The following ELP1 variants were observed in gnomAD, a reference collection of about 807,000 sequenced individuals.
ELP1 encodes the protein elongator acetyltransferase complex subunit 1, also known as elongator complex protein 1.
Under a neutral mutation model 183.2 loss-of-function variants are expected in ELP1, and 131 were observed. That is an observed-to-expected ratio of 0.72 (90% CI 0.62 to 0.83). The LOEUF (loss-of-function observed/expected upper bound fraction) is 0.83, where lower values mean the gene tolerates loss of function less well. ELP1 is among the 40% of genes least tolerant of loss of function. ELP1 has a pLI of 0.00. For synonymous variants in ELP1, 555 were observed against 569.0 expected, an observed-to-expected ratio of 0.98 and a Z score of 0.35; for missense variants, 1,550 against 1,594.9, an observed-to-expected ratio of 0.97 and a Z score of 0.48.
In ELP1 at chr9:108,931,012, G is replaced by A. The variant is rs1264033111; in HGVS notation, c.135C>T (p.Asp45=). ...IGSEHGLIEV[D]PVSREVKNEV... is the part of the protein sequence containing the mutation. ...AGTAACTTACTTCTCTTGAGACAGG[G>A]TCTACTTCTATCAGGCCATGTTCTG... Residue 45 remains aspartate (D), a synonymous_variant, in exon 2 of 37, where the codon GAC becomes GAT. Coordinates refer to ENST00000374647, the MANE Select transcript of ELP1 (RefSeq NM_003640.5). 6.2e-7 allele frequency: 1 copy of A among 1,614,070 alleles called. No homozygotes were observed. Among genetic ancestry groups the A allele is most frequent in the East Asian group, 2.2e-5 (1 of 44,870 alleles).
chr9:108,888,642 T>A (rs2131964934), intron 29 of ELP1, among the ~76,000 whole-genome samples: 1 of 152,304 alleles, frequency 6.6e-6, no homozygotes, highest in South Asian at 2.1e-4. Context: ...TATATAAAAT[T>A]TTAGTTATCG....
intron 36 of ELP1, among the ~76,000 whole-genome samples, chr9:108,873,921 CA>C (rs11302178): frequency 0.14 from 21,696 of 151,916 alleles, 1,985 homozygotes; most frequent in East Asian, 0.26. Context: ...AAACTGATAC[CA>C]AAAGAACCTT....
intron 6 of ELP1, 80 bp from the exon 7 acceptor site, chr9:108,919,429 C>T (rs2132031692): frequency 1.1e-6 from 1 of 927,510 alleles, no homozygotes; most frequent in Non-Finnish European, 1.8e-6. Flanking sequence ...CCACTAGATA[C>T]AGATGTTTTT....
At chr9:108,905,018 T>G (rs954035527) in intron 14 of ELP1, among the ~76,000 whole-genome samples, 2 of 152,212 alleles carry the variant, frequency 1.3e-5, no homozygotes, top group Non-Finnish European at 2.9e-5. Flanking sequence ...TCTGAAGAAG[T>G]AGAAACTTAG....
chr9:108,877,513 A>G lies in ELP1; in HGVS notation c.3855+482T>C, dbSNP rs1380968304. 2.0e-5 allele frequency among the ~76,000 whole-genome samples: 3 copies of G among 152,368 alleles called. No individual in the cohort carries two copies. The East Asian group carries it at 5.8e-4, about 29-fold the overall frequency. On this transcript the variant is annotated intron_variant, in intron 35 of 36. Coordinates refer to ENST00000374647, the MANE Select transcript of ELP1 (RefSeq NM_003640.5). Reference sequence around the variant, plus strand: ...TGACAATATACTAGAATTCTGCGATACAAAGCTGATTCAGCCTTAAACACA... The same window carrying G: ...TGACAATATACTAGAATTCTGCGATGCAAAGCTGATTCAGCCTTAAACACA...
At chr9:108,917,837 C>T (rs531915687) in intron 8 of ELP1, among the ~76,000 whole-genome samples, 167 bp from the exon 9 acceptor site, 32 of 152,206 alleles carry the variant, frequency 2.1e-4, no homozygotes, top group African/African-American at 6.5e-4. Flanking sequence ...TGTCTCTCGG[C>T]GAGCGGTTCA....
At chr9:108,880,027 C>T (rs1564072422) in intron 32 of ELP1, 25 bp downstream of exon 32, 14 of 1,450,740 alleles carry the variant, frequency 9.7e-6, no homozygotes, top group Non-Finnish European at 1.2e-5. Flanking sequence ...CCCCGCACGT[C>T]GATGGCCTTC....
At chr9:108,910,838 A>AC (rs1829188125) in intron 12 of ELP1, among the ~76,000 whole-genome samples, 172 bp downstream of exon 12, 1 of 151,736 alleles carries the variant, frequency 6.6e-6, no homozygotes, top group Admixed American at 6.6e-5. Context: ...ATTAAAAAAA[A>AC]AAAAAACAAA....
intron 3 of ELP1, among the ~76,000 whole-genome samples, chr9:108,927,841 A>G (rs1449362896): frequency 6.6e-6 from 1 of 152,194 alleles, no homozygotes; most frequent in East Asian, 1.9e-4. Context: ...AATCAAAACA[A>G]TTGAACTCAC....
In ELP1 at chr9:108,892,808, T is replaced by C. The variant is rs182302984; in HGVS notation, c.2958+178A>G. On this transcript the variant is annotated intron_variant, in intron 27 of 36. Coordinates refer to ENST00000374647, the MANE Select transcript of ELP1 (RefSeq NM_003640.5). ...GAGGAAGGTGCTGTGGTATTCCAGA[T>C]GAGGAATCAGAGAACAGGTCAGGAC... Among the ~76,000 whole-genome samples the C allele has an allele frequency of 1.2e-3, 184 of 152,204 alleles. 1 individual carries two copies. The highest frequency in any genetic ancestry group is 2.2e-3 in the Admixed American group (34 of 15,286).
chr9:108,879,928 GC>G, intron 32 of ELP1, 123 bp downstream of exon 32: 1 of 738,634 alleles, frequency 1.4e-6, no homozygotes, highest in Non-Finnish European at 2.4e-6. Flanking sequence ...CTCCACAGAA[GC>G]CTCACACTTG....
intron 33 of ELP1, 86 bp downstream of exon 33, chr9:108,879,360 G>A (rs989612965): frequency 7.5e-5 from 72 of 955,346 alleles, no homozygotes; most frequent in East Asian, 3.6e-4. Flanking sequence ...CCACTACACC[G>A]TCCCAGTAGA....
intron 2 of ELP1, 124 bp downstream of exon 2, chr9:108,930,873 G>A: frequency 1.1e-6 from 1 of 904,248 alleles, no homozygotes; most frequent in Non-Finnish European, 1.8e-6. Context: ...TGAAGCAAAA[G>A]ATGTTTATTT....
intron 10 of ELP1, among the ~76,000 whole-genome samples, chr9:108,915,779 C>T (rs1457694179): frequency 1.3e-5 from 2 of 151,186 alleles, no homozygotes; most frequent in Non-Finnish European, 2.9e-5. Context: ...TGAATACAGT[C>T]GGCCCTTCAT....
At chr9:108,904,392 G>A (rs182919393) in intron 14 of ELP1, among the ~76,000 whole-genome samples, 12 of 151,614 alleles carry the variant, frequency 7.9e-5, no homozygotes, top group African/African-American at 1.9e-4. Context: ...CCATAGCCAC[G>A]GAAGCAGAAT....
chr9:108,914,926 C>A (rs1829375678), intron 10 of ELP1, among the ~76,000 whole-genome samples: 1 of 152,152 alleles, frequency 6.6e-6, no homozygotes, highest in Non-Finnish European at 1.5e-5. Context: ...CCGCACCTGG[C>A]CCATACCTAC....
intron 5 of ELP1, 73 bp downstream of exon 5, chr9:108,926,450 A>C: frequency 2.8e-6 from 3 of 1,083,278 alleles, no homozygotes; most frequent in Non-Finnish European, 4.2e-6. Flanking sequence ...TGACATGGCT[A>C]TTAGTGCACA....
intron 10 of ELP1, among the ~76,000 whole-genome samples, chr9:108,915,794 T>G (rs1413446598): frequency 6.6e-6 from 1 of 151,982 alleles, no homozygotes; most frequent in East Asian, 1.9e-4. Context: ...CTTCATATTG[T>G]GGATTCTATA....
chr9:108,902,392 C>T (rs1057030344), intron 16 of ELP1, among the ~76,000 whole-genome samples: 1 of 152,188 alleles, frequency 6.6e-6, no homozygotes, highest in Non-Finnish European at 1.5e-5. Flanking sequence ...GGAATCATTA[C>T]ATTGAAATTA....
Sources: allele counts gnomAD v4.1 joint callset (sites outside exome capture counted in the v4.1 genomes callset), GRCh38; gene constraint gnomAD v4.1.1; transcripts MANE v1.5; gene names NCBI Gene and HGNC (gene_info 2026-07-23, HGNC 2026-07-21).